Variants in ADAMTS3 observed in about 807,000 individuals in gnomAD.
ADAMTS3 encodes ADAM metallopeptidase with thrombospondin type 1 motif 3, also known as A disintegrin and metalloproteinase with thrombospondin motifs 3.
Under a neutral mutation model 129.0 loss-of-function variants are expected in ADAMTS3, and 73 were observed. That is an observed-to-expected ratio of 0.57 (90% CI 0.47 to 0.69). The LOEUF (loss-of-function observed/expected upper bound fraction) is 0.69, where lower values mean the gene tolerates loss of function less well. Ranked by LOEUF, ADAMTS3 falls within the 30% of genes least tolerant of loss-of-function variation. ADAMTS3 has a pLI of 0.00. For missense variants in ADAMTS3, 1,457 were observed against 1,514.5 expected (o/e 0.96, Z 0.63); for synonymous variants, 477 against 510.8 (o/e 0.93, Z 0.89).
At chr4:72,348,042 T>C (rs907648291) in intron 4 of ADAMTS3, among the ~76,000 whole-genome samples, 4 of 152,106 alleles carry the variant, frequency 2.6e-5, no homozygotes, top group African/African-American at 7.2e-5. Context: ...TAAGTCATTA[T>C]AGCCAAATGA....
chr4:72,283,632 C>G lies in ADAMTS3; in HGVS notation c.3122G>C (p.Gly1041Ala). 3 of 1,613,902 alleles carry G rather than the reference C, an allele frequency of 1.9e-6. No homozygotes were observed. The highest frequency in any genetic ancestry group is 8.5e-7 in the Non-Finnish European group (1 of 1,179,934). Reference protein sequence around the residue: ...EVLARYCSIPGYNKLCCESCS... With the variant: ...EVLARYCSIPAYNKLCCESCS... ...GGACTCACAACATAACTTGTTATAA[C>G]CTGGTATGGAGCAGTATCGTGCCAA... Residue 1041 changes from glycine to alanine, a missense_variant, in exon 22 of 22, where the codon GGT becomes GCT. By Grantham distance (60) the Gly-to-Ala change is moderately conservative. Transcript: ENST00000286657.
At chr4:72,357,203 T>C (rs1214549871) in intron 4 of ADAMTS3, among the ~76,000 whole-genome samples, 3 of 151,972 alleles carry the variant, frequency 2.0e-5, no homozygotes, top group African/African-American at 7.2e-5. Flanking sequence ...TTAAAACCAT[T>C]TGGCATTAGC....
chr4:72,465,496 A>G (rs1451116002), intron 3 of ADAMTS3, among the ~76,000 whole-genome samples: 1 of 151,910 alleles, frequency 6.6e-6, no homozygotes, highest in Admixed American at 6.6e-5. Context: ...AGTGGGGGCG[A>G]TATGATCTGA....
chr4:72,289,125 C>T (rs1327060152), intron 20 of ADAMTS3, among the ~76,000 whole-genome samples: 1 of 152,028 alleles, frequency 6.6e-6, no homozygotes, highest in Non-Finnish European at 1.5e-5. Flanking sequence ...TAGTGGAAAG[C>T]TGGGATAATA....
At chr4:72,530,012 T>C (rs1720943569) in intron 3 of ADAMTS3, among the ~76,000 whole-genome samples, 1 of 9,180 alleles carries the variant, frequency 1.1e-4, no homozygotes, top group Non-Finnish European at 2.0e-4. Flanking sequence ...TAATATATAA[T>C]ATATTATATT....
At chr4:72,394,563 C>T (rs1721677638) in intron 4 of ADAMTS3, among the ~76,000 whole-genome samples, 1 of 152,206 alleles carries the variant, frequency 6.6e-6, no homozygotes, top group Non-Finnish European at 1.5e-5. Context: ...TAATGAAGAT[C>T]TCTTCACCCA....
At chr4:72,288,129 G>A (rs1464595698) in intron 21 of ADAMTS3, among the ~76,000 whole-genome samples, 1 of 152,174 alleles carries the variant, frequency 6.6e-6, no homozygotes, top group Non-Finnish European at 1.5e-5. Context: ...GCCTCCCAAA[G>A]TGCTGGGATT....
intron 5 of ADAMTS3, among the ~76,000 whole-genome samples, chr4:72,336,612 T>C (rs1436848868): frequency 3.9e-5 from 6 of 152,190 alleles, no homozygotes; most frequent in African/African-American, 9.7e-5. Context: ...GTCTTCTGTC[T>C]GTCTTGCCTA....
chr4:72,300,613 A>G (rs958127511), intron 17 of ADAMTS3, among the ~76,000 whole-genome samples: 1 of 152,186 alleles, frequency 6.6e-6, no homozygotes, highest in Non-Finnish European at 1.5e-5. Context: ...TAAAGGACAG[A>G]CTTCTAACAA....
chr4:72,364,448 C>G (rs1720815887), intron 4 of ADAMTS3, among the ~76,000 whole-genome samples: 1 of 151,832 alleles, frequency 6.6e-6, no homozygotes, highest in African/African-American at 2.4e-5. Flanking sequence ...AACCCTGTCT[C>G]TACTAAAAAT....
chr4:72,524,219 A>G (rs1206611885), intron 3 of ADAMTS3, among the ~76,000 whole-genome samples: 1 of 152,124 alleles, frequency 6.6e-6, no homozygotes, highest in Non-Finnish European at 1.5e-5. Context: ...AAAGACAAAG[A>G]GAAGAATTAT....
chr4:72,461,785 A>G (rs1419275247), intron 3 of ADAMTS3, among the ~76,000 whole-genome samples: 3 of 151,934 alleles, frequency 2.0e-5, no homozygotes, highest in Non-Finnish European at 4.4e-5. Context: ...GATGTTTGCT[A>G]CATGCAATTC....
In ADAMTS3 at chr4:72,283,049, T is replaced by G. The variant is rs1300467830; in HGVS notation, c.*87A>C. The G allele has an allele frequency of 8.7e-7, 1 of 1,155,406 alleles. No homozygotes were observed. The highest frequency in any genetic ancestry group is 1.6e-5 in the African/African-American group (1 of 64,344). 71.6% of individuals were successfully genotyped at this position (1,155,406 alleles called of 1,614,324 possible). ...AAAATGAGCTGACGATCTATAGAGA[T>G]TTCCACTTTAAACAAGCATATGCAC... On this transcript the variant is annotated 3_prime_UTR_variant, in exon 22 of 22. Transcript: ENST00000286657.
intron 3 of ADAMTS3, among the ~76,000 whole-genome samples, chr4:72,510,380 A>G (rs1359891480): frequency 1.3e-5 from 2 of 151,926 alleles, no homozygotes; most frequent in Admixed American, 1.3e-4. Context: ...AAACCTAAAC[A>G]CTCCACCAAA....
At chr4:72,530,728 AT>A (rs1721009323) in intron 3 of ADAMTS3, among the ~76,000 whole-genome samples, 2 of 66,940 alleles carry the variant, frequency 3.0e-5, no homozygotes, top group East Asian at 4.7e-4. Flanking sequence ...AATATTATAC[AT>A]TATATATTAT....
chr4:72,389,021 G>A (rs570711424), intron 4 of ADAMTS3, among the ~76,000 whole-genome samples: 3 of 152,190 alleles, frequency 2.0e-5, no homozygotes, highest in East Asian at 1.9e-4. Context: ...AGCCATCCTC[G>A]GCCTAGCACA....
chr4:72,517,078 C>T (rs1479907171), intron 3 of ADAMTS3, among the ~76,000 whole-genome samples: 2 of 152,102 alleles, frequency 1.3e-5, no homozygotes, highest in East Asian at 3.9e-4. Context: ...GCCTTTTCTG[C>T]ATCTATTGAG....
chr4:72,541,954 C>A lies in ADAMTS3; in HGVS notation c.504+6524G>T, dbSNP rs140501346. 3.8e-3 allele frequency among the ~76,000 whole-genome samples: 584 copies of A among 152,206 alleles called. 6 individuals are homozygous for A. The highest frequency in any genetic ancestry group is 0.014 in the African/African-American group (563 of 41,536). On this transcript the variant is annotated intron_variant, in intron 3 of 21. Transcript: ENST00000286657. ...TGTATTCATATTTAGAATAATGACT[C>A]AAATTTAATCATAGTTAAAATGATT... is the stretch of plus-strand genomic sequence containing the variant.
At chr4:72,321,548 G>A (rs906613881) in intron 6 of ADAMTS3, among the ~76,000 whole-genome samples, 3 of 152,080 alleles carry the variant, frequency 2.0e-5, no homozygotes, top group Non-Finnish European at 4.4e-5. Flanking sequence ...ATTTGGCTTA[G>A]ATTTCAGTTT....
Sources: allele counts gnomAD v4.1 joint callset (sites outside exome capture counted in the v4.1 genomes callset), GRCh38; gene constraint gnomAD v4.1.1; transcripts MANE v1.5; gene names NCBI Gene and HGNC (gene_info 2026-07-23, HGNC 2026-07-21).